The following FGG variants were observed in gnomAD, a reference collection of about 807,000 sequenced individuals.
FGG encodes fibrinogen, gamma polypeptide.
In FGG, 20 loss-of-function variants were observed where a neutral mutation model predicts 51.7. The observed-to-expected ratio is 0.39, with a 90% CI of 0.27 to 0.56. The LOEUF (loss-of-function observed/expected upper bound fraction) is 0.56, where lower values mean the gene tolerates loss of function less well. FGG is among the 20% of genes least tolerant of loss of function. The probability of loss-of-function intolerance (pLI) is 0.64; values close to 1 mark genes in which losing one functional copy is unlikely to be tolerated. For missense variants in FGG, 460 were observed against 534.2 expected, an observed-to-expected ratio of 0.86 and a Z score of 1.37; for synonymous variants, 184 against 184.7, an observed-to-expected ratio of 1.00 and a Z score of 0.03.
intron 4 of FGG, chr4:154,611,396 G>C (rs1731208443): frequency 6.0e-6 from 1 of 167,540 alleles, no homozygotes; most frequent in African/African-American, 2.4e-5. Context: ...TACTTTAGGA[G>C]CCAAAATCCT....
At chr4:154,605,180 T>A in intron 8 of FGG, 114 bp from the exon 9 acceptor site, 1 of 994,628 alleles carries the variant, frequency 1.0e-6, no homozygotes, top group Non-Finnish European at 1.5e-6. Flanking sequence ...ATTTATAGTA[T>A]TATCTGCTAA....
intron 2 of FGG, 49 bp downstream of exon 2, chr4:154,612,342 T>C: frequency 6.2e-7 from 1 of 1,600,440 alleles, no homozygotes; most frequent in Non-Finnish European, 8.6e-7. Flanking sequence ...TCTATTCCTC[T>C]GCCCCTCTCC....
chr4:154,611,971 A>G (rs755990392), intron 3 of FGG, 47 bp downstream of exon 3: 16 of 1,605,162 alleles, frequency 1.0e-5, no homozygotes, highest in Non-Finnish European at 1.3e-5. Flanking sequence ...AAAGAACTTC[A>G]CAGATTATTA....
At position 154,612,647 on chromosome 4, in the gene FGG, C is replaced by G. The variant is rs1438079730; in HGVS notation, c.-38G>C. 1 of 1,576,522 alleles carries G rather than the reference C, an allele frequency of 6.3e-7. No homozygotes were observed. Among genetic ancestry groups the G allele is most frequent in the Admixed American group, 1.7e-5 (1 of 59,944 alleles). On this transcript the variant is annotated 5_prime_UTR_variant, in exon 1 of 9. Transcript: ENST00000336098. Reference sequence around the variant, plus strand: ...CCCGGAGCTCCGAGCCTTGTAGTGTCAGCACTGTCACCTCTCAGGCTCCAA... The same window carrying G: ...CCCGGAGCTCCGAGCCTTGTAGTGTGAGCACTGTCACCTCTCAGGCTCCAA...
rs760519409 is a variant in FGG, at chr4:154,609,689, G to T, written c.607C>A (p.Gln203Lys). The part of the protein sequence containing the change: ...YFIKPLKANQ[Q>K]FLVYCEIDGS... ...TCGATTTCACAGTAGACTAAGAATT[G>T]CTGGTTAGCTTTCAGAGGTTTAATA... Residue 203 changes from glutamine to lysine, a missense_variant, in exon 6 of 9, where the codon CAA (glutamine) becomes AAA (lysine). Transcript: ENST00000336098. 2.5e-6 allele frequency: 4 copies of T among 1,613,940 alleles called. No homozygotes were observed. Among genetic ancestry groups the T allele is most frequent in the African/African-American group, 1.3e-5 (1 of 75,036 alleles).
At chr4:154,607,915 A>C (rs1383911193) in intron 7 of FGG, among the ~76,000 whole-genome samples, 1 of 152,202 alleles carries the variant, frequency 6.6e-6, no homozygotes, top group Non-Finnish European at 1.5e-5. Flanking sequence ...CCTCTAGATC[A>C]TCAAAAGAGC....
At chr4:154,612,482 T>G (rs1227614274) in intron 1 of FGG, 47 bp from the exon 2 acceptor site, 8 of 1,613,740 alleles carry the variant, frequency 5.0e-6, no homozygotes, top group East Asian at 2.2e-5. Flanking sequence ...TTATCTGTTT[T>G]ATTTTCCAGC....
At chr4:154,605,565 G>A (rs561828413) in intron 8 of FGG, among the ~76,000 whole-genome samples, 1 of 152,170 alleles carries the variant, frequency 6.6e-6, no homozygotes, top group East Asian at 1.9e-4. Flanking sequence ...CCTTGTCCTA[G>A]GGAAGCAGAT....
Position 154,611,812 on chromosome 4 carries a change from T to G in FGG, c.394A>C (p.Ser132Arg), listed in dbSNP as rs76077503. The change falls in exon 4 of 9, where the codon AGT (serine) becomes CGT (arginine). Residue 132 changes from serine (S) to arginine (R), a missense_variant. Ser to Arg is a moderately radical substitution (Grantham distance 110, BLOSUM62 -1). This residue lies in a region of FGG where 353 missense variants were observed against 391.7 expected (regional missense o/e 0.90). Transcript: ENST00000336098. The stretch of plus-strand genomic sequence containing the variant: ...TAAAACAAAAATCCTTACCGAATAC[T>G]TGAGTCATGTGTTAAAATCGATGCT... ...YEASILTHDS[S>R]IRYLQEIYNS... is the part of the protein sequence containing the mutation. 27 of 1,607,058 alleles carry G rather than the reference T, an allele frequency of 1.7e-5. No individual in the cohort carries two copies. Among genetic ancestry groups the G allele is most frequent in the Non-Finnish European group, 2.1e-5 (25 of 1,175,410 alleles).
At chr4:154,609,909 G>T in intron 5 of FGG, 146 bp from the exon 6 acceptor site, 2 of 1,499,948 alleles carry the variant, frequency 1.3e-6, no homozygotes, top group South Asian at 1.2e-5. Context: ...CTTTTAAACT[G>T]TTTTTTTTAG....
intron 6 of FGG, among the ~76,000 whole-genome samples, chr4:154,609,206 T>G (rs1334457697): frequency 4.9e-5 from 7 of 141,538 alleles, no homozygotes; most frequent in Admixed American, 4.9e-4. Flanking sequence ...GTGATGGTGG[T>G]GGGGTGGTGG....
At chr4:154,608,340 A>T in intron 7 of FGG, 126 bp downstream of exon 7, 1 of 930,876 alleles carries the variant, frequency 1.1e-6, no homozygotes, top group Admixed American at 2.0e-5. Flanking sequence ...CTCCTGGAGA[A>T]AATGGTGGCT....
chr4:154,611,059 A>G (rs7441998), intron 4 of FGG, among the ~76,000 whole-genome samples: 1 of 152,082 alleles, frequency 6.6e-6, no homozygotes, highest in Admixed American at 6.6e-5. Flanking sequence ...AATAATAATA[A>G]CAATAATAAC....
At position 154,612,201 on chromosome 4, in the gene FGG, C is replaced by A. The variant is rs202132393; in HGVS notation, c.124G>T (p.Gly42Cys). Residue 42 changes from glycine (G) to cysteine (C), a missense_variant and splice_region_variant, in exon 3 of 9, where the codon GGT becomes TGT. This residue lies in a region of FGG where 353 missense variants were observed against 391.7 expected (regional missense o/e 0.90). Coordinates refer to ENST00000336098, the MANE Select transcript of FGG (RefSeq NM_021870.3). ...CCACAGGTAGTTGGACAATAACTAC[C>A]CTGAAAATATAACAGTGATTAAAAA... is the stretch of plus-strand genomic sequence containing the variant. ...DNCCILDERF[G>C]SYCPTTCGIA... is the part of the protein sequence containing the mutation. The A allele has an allele frequency of 6.2e-7, 1 of 1,609,140 alleles. No homozygotes were observed. Among genetic ancestry groups the A allele is most frequent in the East Asian group, 2.2e-5 (1 of 44,742 alleles).
intron 8 of FGG, among the ~76,000 whole-genome samples, chr4:154,605,942 T>G (rs1017895573): frequency 6.6e-6 from 1 of 151,588 alleles, no homozygotes; most frequent in Non-Finnish European, 1.5e-5. Flanking sequence ...GCTAAACAGG[T>G]CTGGTCTGAC....
Position 154,606,839 on chromosome 4 carries a change from G to A in FGG, c.995C>T (p.Ser332Phe). 1 of 1,613,876 alleles carries A rather than the reference G, an allele frequency of 6.2e-7. No individual in the cohort carries two copies. Among genetic ancestry groups the A allele is most frequent in the Non-Finnish European group, 8.5e-7 (1 of 1,179,882 alleles). ...GDDPSDKFFT[S>F]HNGMQFSTWD... ...GGTACTGAACTGCATGCCATTATGGGATGTGAAAAACTTGTCACTAGGATC... is the reference window on the plus strand; with the variant it reads ...GGTACTGAACTGCATGCCATTATGGAATGTGAAAAACTTGTCACTAGGATC... Residue 332 changes from serine to phenylalanine, a missense_variant, in exon 8 of 9, where the codon TCC (serine) becomes TTC (phenylalanine). By Grantham distance (155) the Ser-to-Phe change is radical. Around this residue, in one of 3 missense-constraint regions of FGG, gnomAD observed 353 missense variants for 391.7 expected, o/e 0.90. Transcript: ENST00000336098.
Position 154,612,425 on chromosome 4 carries a change from G to A in FGG, c.89C>T (p.Thr30Ile), listed in dbSNP as rs751212238. The A allele has an allele frequency of 1.2e-6, 2 of 1,613,746 alleles. No homozygotes were observed. Among genetic ancestry groups the A allele is most frequent in the Non-Finnish European group, 1.7e-6 (2 of 1,179,878 alleles). The change falls in exon 2 of 9, where the codon ACC (threonine) becomes ATC (isoleucine). Residue 30 changes from threonine to isoleucine, a missense_variant. Physicochemically the swap from Thr to Ile is moderately conservative, Grantham distance 89. Around this residue, in one of 3 missense-constraint regions of FGG, gnomAD observed 353 missense variants for 391.7 expected, o/e 0.90. Transcript: ENST00000336098. ...LSSTCVAYVATRDNCCILDER... is the reference protein window; with the variant it reads ...LSSTCVAYVAIRDNCCILDER... ...ATCTAAGATGCAGCAGTTGTCTCTG[G>A]TAGCAACATACTAAAAGAGAAAAAA...
intron 4 of FGG, 71 bp from the exon 5 acceptor site, chr4:154,610,268 T>C: frequency 8.0e-7 from 1 of 1,247,912 alleles, no homozygotes; most frequent in East Asian, 2.5e-5. Context: ...AGAGTAATTT[T>C]ATATTTTCTT....
Position 154,612,571 on chromosome 4 carries a change from G to A in FGG, c.39C>T (p.Tyr13=). Residue 13 remains tyrosine (Y), a synonymous_variant, in exon 1 of 9, where the codon TAC becomes TAT. Coordinates refer to ENST00000336098, the MANE Select transcript of FGG (RefSeq NM_021870.3). Reference sequence around the variant, plus strand: ...AAGAGAGAAATAAAAGAGCATAGAAGTAGAGAATTAAATTCCGGGGGTGCA... The same window carrying A: ...AAGAGAGAAATAAAAGAGCATAGAAATAGAGAATTAAATTCCGGGGGTGCA... ...WSLHPRNLIL[Y]FYALLFLSST... The A allele has an allele frequency of 6.2e-7, 1 of 1,613,980 alleles. No individual in the cohort carries two copies. Among genetic ancestry groups the A allele is most frequent in the Non-Finnish European group, 8.5e-7 (1 of 1,179,900 alleles).
Sources: gnomAD v4.1 joint callset for allele counts (sites outside exome capture counted in the v4.1 genomes callset) on GRCh38, gnomAD v4.1.1 for gene constraint, gnomAD v4.1.1 regional missense constraint, MANE v1.5 for transcripts, NCBI Gene and HGNC (gene_info 2026-07-23, HGNC 2026-07-21) for gene names.